ZFAT: variants seen among roughly 807,000 people sequenced by gnomAD.
The protein encoded by ZFAT is zinc finger and AT-hook domain containing.
ZFAT carries 64 observed loss-of-function variants against 117.7 expected under a neutral mutation model. That is an observed-to-expected ratio of 0.54 (90% CI 0.44 to 0.67). ZFAT has a LOEUF of 0.67. Among genes scored for constraint, ZFAT ranks in the 30% least tolerant of loss-of-function variants. The pLI, the probability that ZFAT is intolerant of heterozygous loss-of-function variation, is 0.00. For synonymous variants in ZFAT, 679 were observed against 615.0 expected (o/e 1.10, Z -1.54); for missense variants, 1,433 against 1,584.5 (o/e 0.90, Z 1.62).
At chr8:134,519,062 C>A (rs1208914637) in intron 13 of ZFAT, among the ~76,000 whole-genome samples, 3 of 152,098 alleles carry the variant, frequency 2.0e-5, no homozygotes, top group African/African-American at 7.2e-5. Context: ...GTAGGATTCT[C>A]CTCTTATGGT....
At chr8:134,647,192 T>G (rs1384844257) in intron 2 of ZFAT, among the ~76,000 whole-genome samples, 1 of 152,090 alleles carries the variant, frequency 6.6e-6, no homozygotes, top group Non-Finnish European at 1.5e-5. Context: ...GGGTGTTATC[T>G]CTAAGATGCA....
At chr8:134,700,220 G>A (rs559427737) in intron 1 of ZFAT, among the ~76,000 whole-genome samples, 2 of 152,188 alleles carry the variant, frequency 1.3e-5, no homozygotes, top group Non-Finnish European at 2.9e-5. Flanking sequence ...GAGGCTCAAA[G>A]AAGTCACAAG....
chr8:134,604,780 CAATATTTAAATT>C (rs1827760833), intron 5 of ZFAT, among the ~76,000 whole-genome samples: 1 of 152,120 alleles, frequency 6.6e-6, no homozygotes, highest in South Asian at 2.1e-4. Context: ...GATGTAATTA[CAATATTTAAATT>C]TGGAAGTTAC....
chr8:134,789,268 A>G, the ZFAT span, among the ~76,000 whole-genome samples: 1 of 152,188 alleles, frequency 6.6e-6, no homozygotes, highest in African/African-American at 2.4e-5. Context: ...CCTGAGGACA[A>G]ACTCCAGTAC....
At chr8:134,562,191 C>T (rs974946028) in intron 11 of ZFAT, among the ~76,000 whole-genome samples, 1 of 152,134 alleles carries the variant, frequency 6.6e-6, no homozygotes, top group Non-Finnish European at 1.5e-5. Flanking sequence ...CCAAGGAATA[C>T]AGGTCGCGTG....
intron 11 of ZFAT, among the ~76,000 whole-genome samples, chr8:134,535,604 G>A (rs988881343): frequency 2.6e-5 from 4 of 151,346 alleles, no homozygotes; most frequent in East Asian, 1.9e-4. Context: ...TCTGGTTACC[G>A]GATGCTTTGT....
rs1379603580 is a variant in ZFAT, at chr8:134,511,251, G to T, written c.3361+1224C>A. Among the ~76,000 whole-genome samples the T allele has an allele frequency of 2.6e-5, 4 of 152,220 alleles. No homozygotes were observed. In the East Asian group the frequency reaches 5.8e-4, roughly 22 times the overall value. On this transcript the variant is annotated intron_variant, in intron 14 of 15. Transcript: ENST00000377838. ...TGAGTCTGAGAGTGAGAGTGTGTGT[G>T]GGGGGTGTGTGTGTGCTCATAGGGG...
chr8:134,546,530 C>T (rs1822708429), intron 11 of ZFAT, among the ~76,000 whole-genome samples: 1 of 152,176 alleles, frequency 6.6e-6, no homozygotes, highest in Non-Finnish European at 1.5e-5. Flanking sequence ...AATTCAGTTA[C>T]TTCTGAGACT....
chr8:134,609,165 CACATATACATATATATGTATAT>C (rs1222094341), intron 4 of ZFAT, among the ~76,000 whole-genome samples: 35 of 151,844 alleles, frequency 2.3e-4, no homozygotes, highest in South Asian at 4.2e-4. Context: ...TACACACACA[CACATATACATATATATGTATAT>C]ACATATACAT....
chr8:134,626,210 G>A (rs1829488051), intron 3 of ZFAT, among the ~76,000 whole-genome samples: 1 of 152,174 alleles, frequency 6.6e-6, no homozygotes, highest in South Asian at 2.1e-4. Flanking sequence ...AGACATCACT[G>A]CCAACAGGAC....
At chr8:134,805,067 A>T in the ZFAT span, 1 of 311,952 alleles carries the variant, frequency 3.2e-6, no homozygotes, top group South Asian at 2.5e-5. Flanking sequence ...TTGAAACAAA[A>T]ATGATAAAGT....
chr8:134,790,851 C>T, the ZFAT span, among the ~76,000 whole-genome samples: 1 of 151,954 alleles, frequency 6.6e-6, no homozygotes, highest in African/African-American at 2.4e-5. Flanking sequence ...TCCATCTCTA[C>T]AAAAATTTTA....
chr8:134,708,903 G>T (rs892150063), intron 1 of ZFAT, among the ~76,000 whole-genome samples: 1 of 152,188 alleles, frequency 6.6e-6, no homozygotes, highest in South Asian at 2.1e-4. Flanking sequence ...AGTGAGCCAA[G>T]ATCACACCAT....
chr8:134,607,399 G>A (rs1290723376), intron 5 of ZFAT, among the ~76,000 whole-genome samples: 7 of 152,214 alleles, frequency 4.6e-5, no homozygotes, highest in African/African-American at 7.2e-5. Flanking sequence ...CACTACATGT[G>A]CCAGGCACTT....
At chr8:134,641,247 G>GCACA (rs146785876) in intron 2 of ZFAT, among the ~76,000 whole-genome samples, 2 of 151,472 alleles carry the variant, frequency 1.3e-5, no homozygotes, top group East Asian at 3.9e-4. Flanking sequence ...ACACACACCT[G>GCACA]CACACACACA....
At chr8:134,799,417 C>T in the ZFAT span, among the ~76,000 whole-genome samples, 2 of 151,966 alleles carry the variant, frequency 1.3e-5, no homozygotes, top group African/African-American at 2.4e-5. Flanking sequence ...AAAAGGCAGG[C>T]TGATTTCATG....
At chr8:134,503,874 A>G (rs1322561573) in intron 15 of ZFAT, among the ~76,000 whole-genome samples, 1 of 151,948 alleles carries the variant, frequency 6.6e-6, no homozygotes, top group East Asian at 1.9e-4. Context: ...GGATTTGTCA[A>G]CCTCCACAGT....
At chr8:134,763,034 C>T in the ZFAT span, among the ~76,000 whole-genome samples, 360 of 152,256 alleles carry the variant, frequency 2.4e-3, 1 homozygote, top group African/African-American at 8.4e-3. Flanking sequence ...CCTATTAGCA[C>T]CTTTGGTCCC....
chr8:134,749,163 C>G, the ZFAT span, among the ~76,000 whole-genome samples: 53 of 152,182 alleles, frequency 3.5e-4, no homozygotes, highest in African/African-American at 1.3e-3. Context: ...CAATTTACAA[C>G]TTTTCCTTTG....
Sources: allele counts gnomAD v4.1 joint callset (sites outside exome capture counted in the v4.1 genomes callset), GRCh38; gene constraint gnomAD v4.1.1; transcripts MANE v1.5; gene names NCBI Gene and HGNC (gene_info 2026-07-23, HGNC 2026-07-21).